Variants in PCDHGA5 observed in about 807,000 individuals in gnomAD.
The protein encoded by PCDHGA5 is protocadherin gamma subfamily A, 5.
PCDHGA5 carries 36 observed loss-of-function variants against 56.7 expected under a neutral mutation model. That is an observed-to-expected ratio of 0.64 (90% CI 0.49 to 0.84). The LOEUF (loss-of-function observed/expected upper bound fraction) is 0.84, where lower values mean the gene tolerates loss of function less well. Ranked by LOEUF, PCDHGA5 falls within the 40% of genes least tolerant of loss-of-function variation. PCDHGA5 has a pLI of 0.00. For synonymous variants in PCDHGA5, 563 were observed against 520.2 expected (o/e 1.08, Z -1.12); for missense variants, 1,305 against 1,201.5 (o/e 1.09, Z -1.27).
At chr5:141,505,983 C>G (rs1235662535) in intron 3 of PCDHGA5, among the ~76,000 whole-genome samples, 1 of 152,148 alleles carries the variant, frequency 6.6e-6, no homozygotes, top group Non-Finnish European at 1.5e-5. Context: ...GAGAGAACAC[C>G]TCCTCTTTAT....
chr5:141,491,646 G>T lies in PCDHGA5; in HGVS notation c.2422-3161G>T. On this transcript the variant is annotated intron_variant, in intron 1 of 3. Transcript: ENST00000518069. The surrounding 1 kb of genome is among the most constrained non-coding windows in gnomAD (Gnocchi z 6.9). ...GCGTTCAGCAGCCCACAGCTCTGGC[G>T]CTGGAGCCTGACGCCATCCGGTCCC... is the stretch of plus-strand genomic sequence containing the variant. 1 of 1,613,872 alleles carries T rather than the reference G, an allele frequency of 6.2e-7. No individual in the cohort carries two copies. The highest frequency in any genetic ancestry group is 8.5e-7 in the Non-Finnish European group (1 of 1,180,030).
At chr5:141,398,511 C>A in intron 1 of PCDHGA5, 1 of 1,595,066 alleles carries the variant, frequency 6.3e-7, no homozygotes, top group Non-Finnish European at 8.5e-7. Flanking sequence ...ACATTAATGA[C>A]CACACGCCAA....
intron 1 of PCDHGA5, chr5:141,403,017 T>C: frequency 6.2e-7 from 1 of 1,614,064 alleles, no homozygotes; most frequent in South Asian, 1.1e-5. Context: ...CTCCTGGGGA[T>C]GCTATGGGAG....
intron 1 of PCDHGA5, chr5:141,422,984 G>A (rs752694873): frequency 4.5e-5 from 73 of 1,614,112 alleles, no homozygotes; most frequent in Non-Finnish European, 5.9e-5. Flanking sequence ...GCGGAACCTG[G>A]CTACCTGGTG....
chr5:141,454,076 T>A (rs190918056), intron 1 of PCDHGA5, among the ~76,000 whole-genome samples: 2 of 152,352 alleles, frequency 1.3e-5, no homozygotes, highest in East Asian at 3.8e-4. Flanking sequence ...TGATAATGTT[T>A]TCAGTGAAAT....
chr5:141,505,803 C>T (rs920849273), intron 3 of PCDHGA5, among the ~76,000 whole-genome samples: 29 of 152,116 alleles, frequency 1.9e-4, no homozygotes, highest in African/African-American at 6.5e-4. Flanking sequence ...GGACTTGGAT[C>T]GACTTGCTCA....
intron 1 of PCDHGA5, chr5:141,403,406 T>A: frequency 6.2e-7 from 1 of 1,614,058 alleles, no homozygotes; most frequent in South Asian, 1.1e-5. Flanking sequence ...TGGAGCACGT[T>A]ATCCACTTCC....
intron 1 of PCDHGA5, chr5:141,403,034 G>T (rs1589474195): frequency 1.9e-6 from 3 of 1,614,096 alleles, no homozygotes; most frequent in East Asian, 2.2e-5. Flanking sequence ...GGAGGCCAGG[G>T]CCAGTCAGAT....
chr5:141,465,348 A>G (rs886810999), intron 1 of PCDHGA5, among the ~76,000 whole-genome samples: 2 of 152,158 alleles, frequency 1.3e-5, no homozygotes, highest in African/African-American at 4.8e-5. Flanking sequence ...GTTACTGAAG[A>G]AAAAATGGGT....
intron 1 of PCDHGA5, chr5:141,421,696 A>G: frequency 6.2e-7 from 1 of 1,613,886 alleles, no homozygotes; most frequent in Non-Finnish European, 8.5e-7. Context: ...TGCTCTTCCT[A>G]ATGCTAGGGA....
intron 1 of PCDHGA5, among the ~76,000 whole-genome samples, chr5:141,464,702 G>T (rs934638404): frequency 1.3e-5 from 2 of 151,942 alleles, no homozygotes; most frequent in African/African-American, 2.4e-5. Context: ...TATGAATGAG[G>T]TTAAATAGTT....
intron 1 of PCDHGA5, chr5:141,414,528 C>T: frequency 6.2e-7 from 1 of 1,613,970 alleles, no homozygotes; most frequent in Non-Finnish European, 8.5e-7. Flanking sequence ...ATATCAATGA[C>T]AACCCACCTA....
In PCDHGA5 at chr5:141,454,796, ATTTTT is replaced by A. The variant is rs61612330; in HGVS notation, c.2422-39986_2422-39982del. Among the ~76,000 whole-genome samples the A allele has an allele frequency of 4.9e-3, 378 of 77,354 alleles. 2 individuals carry two copies. Among genetic ancestry groups the A allele is most frequent in the Admixed American group, 9.2e-3 (51 of 5,544 alleles). 50.7% of individuals were successfully genotyped at this position (77,354 alleles called of 152,430 possible). On this transcript the variant is annotated intron_variant, in intron 1 of 3. Coordinates refer to ENST00000518069, the MANE Select transcript of PCDHGA5 (RefSeq NM_018918.3). ...AAGGAAATAATCCTCCATGGTTCTA[ATTTTT>A]TTTTTTTTTTTTTTTTTTTTTTTTG...
In PCDHGA5 at chr5:141,490,007, C is replaced by T. The variant is rs766407642; in HGVS notation, c.2422-4800C>T. On this transcript the variant is annotated intron_variant, in intron 1 of 3. Coordinates refer to ENST00000518069, the MANE Select transcript of PCDHGA5 (RefSeq NM_018918.3). The surrounding 1 kb of genome is among the most constrained non-coding windows in gnomAD (Gnocchi z 5.4). ...CGTGTGGGAATCCCAGAGAATGCACCCATTGGTACTCTGCTGCTCCGCCTC... is the reference window on the plus strand; with the variant it reads ...CGTGTGGGAATCCCAGAGAATGCACTCATTGGTACTCTGCTGCTCCGCCTC... 6.2e-7 allele frequency: 1 copy of T among 1,614,200 alleles called. No homozygotes were observed. The highest frequency in any genetic ancestry group is 8.5e-7 in the Non-Finnish European group (1 of 1,180,016).
At chr5:141,415,454 A>G (rs899212436) in intron 1 of PCDHGA5, 2 of 1,614,162 alleles carry the variant, frequency 1.2e-6, no homozygotes, top group Non-Finnish European at 8.5e-7. Flanking sequence ...TATTCCCACG[A>G]GGTCTCTCTC....
At position 141,432,325 on chromosome 5, in the gene PCDHGA5, C is replaced by T. The variant is rs752180978; in HGVS notation, c.2422-62482C>T. ...TGTATGCGCTGAGCTCCTTCGACTACGAGCAGTTCCGAGACTTGCAAGTGA... is the reference window on the plus strand; with the variant it reads ...TGTATGCGCTGAGCTCCTTCGACTATGAGCAGTTCCGAGACTTGCAAGTGA... On this transcript the variant is annotated intron_variant, in intron 1 of 3. Coordinates refer to ENST00000518069, the MANE Select transcript of PCDHGA5 (RefSeq NM_018918.3). The surrounding 1 kb of genome is among the most constrained non-coding windows in gnomAD (Gnocchi z 6.0). 68 of 1,614,142 alleles carry T rather than the reference C, an allele frequency of 4.2e-5. No individual in the cohort carries two copies. Among genetic ancestry groups the T allele is most frequent in the Non-Finnish European group, 5.2e-5 (61 of 1,180,050 alleles).
chr5:141,494,546 G>A (rs984336435), intron 1 of PCDHGA5, among the ~76,000 whole-genome samples: 7 of 152,152 alleles, frequency 4.6e-5, no homozygotes, highest in African/African-American at 1.2e-4. Context: ...GGAGGAAGGG[G>A]CCATTTCTTT....
chr5:141,376,530 G>C (rs200613052), intron 1 of PCDHGA5: 3 of 1,613,550 alleles, frequency 1.9e-6, no homozygotes, highest in African/African-American at 1.3e-5. Context: ...CCGCCTAAGC[G>C]GGAAGAGTAA....
intron 1 of PCDHGA5, chr5:141,428,311 G>A: frequency 3.0e-6 from 2 of 671,726 alleles, no homozygotes; most frequent in Non-Finnish European, 5.3e-6. Context: ...CCTGGTCGTG[G>A]CCTTGGCCTT....
Sources: gnomAD v4.1 joint callset for allele counts (sites outside exome capture counted in the v4.1 genomes callset) on GRCh38, gnomAD v4.1.1 for gene constraint, Gnocchi (gnomAD v3.1) non-coding constraint, MANE v1.5 for transcripts, NCBI Gene and HGNC (gene_info 2026-07-23, HGNC 2026-07-21) for gene names.